PPP2R5A: variants seen among roughly 807,000 people sequenced by gnomAD.
PPP2R5A encodes the protein protein phosphatase 2 regulatory subunit B'alpha, also known as serine/threonine-protein phosphatase 2A 56 kDa regulatory subunit alpha isoform.
PPP2R5A carries 25 observed loss-of-function variants against 64.2 expected under a neutral mutation model. The ratio of observed to expected loss-of-function variants is 0.39; its 90% confidence interval spans 0.28 to 0.54. The LOEUF is 0.54. Ranked by LOEUF, PPP2R5A falls within the 20% of genes least tolerant of loss-of-function variation. The probability of loss-of-function intolerance (pLI) is 0.67; values close to 1 mark genes in which losing one functional copy is unlikely to be tolerated. For missense variants in PPP2R5A, 425 were observed against 576.3 expected (o/e 0.74, Z 2.69); for synonymous variants, 198 against 201.2 (o/e 0.98, Z 0.13).
chr1:212,307,378 C>T lies in PPP2R5A; in HGVS notation c.181+21087C>T, dbSNP rs530763138. Reference sequence around the variant, plus strand: ...GATGTAGAATCATTATTCCTATATGCCTCTGTTTCCTTTCCTCCTTTTTTG... The same window carrying T: ...GATGTAGAATCATTATTCCTATATGTCTCTGTTTCCTTTCCTCCTTTTTTG... On this transcript the variant is annotated intron_variant, in intron 1 of 12. Coordinates refer to ENST00000261461, the MANE Select transcript of PPP2R5A (RefSeq NM_006243.4). 7.3e-5 allele frequency among the ~76,000 whole-genome samples: 11 copies of T among 151,584 alleles called. No individual in the cohort carries two copies. The East Asian group carries it at 7.8e-4, about 11-fold the overall frequency.
chr1:212,345,144 T>A (rs1659751538), intron 4 of PPP2R5A, among the ~76,000 whole-genome samples: 1 of 126,588 alleles, frequency 7.9e-6, no homozygotes. Context: ...CAGTCTAGGC[T>A]ACAGAGCAAG....
chr1:212,331,321 C>T (rs927168236), intron 2 of PPP2R5A: 11 of 150,616 alleles, frequency 7.3e-5, no homozygotes, highest in African/African-American at 2.7e-4. Context: ...CCACCATGCC[C>T]GATTAATTTT....
intron 3 of PPP2R5A, among the ~76,000 whole-genome samples, chr1:212,339,048 TAGAG>T (rs1659639836): frequency 6.6e-6 from 1 of 152,162 alleles, no homozygotes; most frequent in East Asian, 1.9e-4. Context: ...ATGGAGTAAA[TAGAG>T]AGTGACACTG....
intron 1 of PPP2R5A, among the ~76,000 whole-genome samples, chr1:212,316,982 CTT>C (rs1484996042): frequency 6.6e-6 from 1 of 152,142 alleles, no homozygotes; most frequent in Admixed American, 6.5e-5. Context: ...CAAGTCCAGA[CTT>C]TTATTTAATC....
At chr1:212,322,175 G>A (rs924544855) in intron 1 of PPP2R5A, among the ~76,000 whole-genome samples, 3 of 150,602 alleles carry the variant, frequency 2.0e-5, no homozygotes, top group South Asian at 2.1e-4. Context: ...GGGGGAGACC[G>A]TGGAAAGAGA....
intron 3 of PPP2R5A, among the ~76,000 whole-genome samples, chr1:212,340,212 C>T (rs1199140335): frequency 6.6e-6 from 1 of 152,056 alleles, no homozygotes. Flanking sequence ...TCCTGAGGAT[C>T]CAGAATCAAA....
At chr1:212,322,651 A>G (rs1178660345) in intron 1 of PPP2R5A, among the ~76,000 whole-genome samples, 1 of 152,194 alleles carries the variant, frequency 6.6e-6, no homozygotes, top group Non-Finnish European at 1.5e-5. Context: ...CCTACTCTTC[A>G]CAACTGTTTT....
intron 1 of PPP2R5A, among the ~76,000 whole-genome samples, chr1:212,305,684 CTCTT>C (rs911187051): frequency 1.3e-5 from 2 of 152,036 alleles, no homozygotes; most frequent in African/African-American, 4.8e-5. Context: ...TTCTATTTCT[CTCTT>C]TGTTTCTGTC....
chr1:212,333,650 G>C, intron 3 of PPP2R5A, 52 bp downstream of exon 3: 3 of 1,051,444 alleles, frequency 2.9e-6, no homozygotes, highest in South Asian at 4.3e-5. Flanking sequence ...CTATTCTGCA[G>C]AAATCATGGT....
chr1:212,307,260 G>GTT (rs1057069165), intron 1 of PPP2R5A, among the ~76,000 whole-genome samples: 6 of 141,092 alleles, frequency 4.3e-5, no homozygotes, highest in Admixed American at 7.1e-5. Context: ...ATTTTTGAGA[G>GTT]TTTTTTTTTT....
chr1:212,357,432 T>C, intron 11 of PPP2R5A, 148 bp downstream of exon 11: 1 of 651,436 alleles, frequency 1.5e-6, no homozygotes, highest in South Asian at 3.2e-5. Context: ...CTGTATTTTA[T>C]ATACGTATAC....
chr1:212,329,923 C>T (rs997370771), intron 2 of PPP2R5A, among the ~76,000 whole-genome samples: 3 of 152,112 alleles, frequency 2.0e-5, no homozygotes, highest in Non-Finnish European at 4.4e-5. Context: ...GGATTATAGG[C>T]GTGAGCCACC....
intron 9 of PPP2R5A, 51 bp from the exon 10 acceptor site, chr1:212,356,899 T>C: frequency 7.1e-7 from 1 of 1,414,442 alleles, no homozygotes; most frequent in Non-Finnish European, 9.6e-7. Flanking sequence ...GTTTCTATAT[T>C]AGTTTCACAT....
Position 212,285,725 on chromosome 1 carries a change from G to T in PPP2R5A, c.-386G>T, listed in dbSNP as rs898348761. ...GCTGGCCGGCCGGCTGGCTGGCGAC[G>T]GGGGCAGAAGCGACGAGAGGCGCGC... On this transcript the variant is annotated 5_prime_UTR_variant, in exon 1 of 13. Transcript: ENST00000261461. 2 of 166,590 alleles carry T rather than the reference G, an allele frequency of 1.2e-5. No individual in the cohort carries two copies. The highest frequency in any genetic ancestry group is 4.8e-5 in the African/African-American group (2 of 42,030). 10.3% of individuals were successfully genotyped at this position (166,590 alleles called of 1,614,324 possible). A position where few individuals can be genotyped will look rare whatever the true frequency, so the allele number is the denominator to read the frequency against.
At chr1:212,323,589 A>T (rs1251660594) in intron 1 of PPP2R5A, among the ~76,000 whole-genome samples, 1 of 152,220 alleles carries the variant, frequency 6.6e-6, no homozygotes, top group Non-Finnish European at 1.5e-5. Flanking sequence ...GAAAATTCAG[A>T]TGTGACCTAT....
intron 1 of PPP2R5A, among the ~76,000 whole-genome samples, chr1:212,310,599 A>C (rs771260867): frequency 2.0e-5 from 3 of 152,188 alleles, no homozygotes; most frequent in Non-Finnish European, 2.9e-5. Context: ...GAAGCTGAGC[A>C]GTTTGGGGAA....
At chr1:212,346,013 T>C (rs995857730) in intron 5 of PPP2R5A, 80 bp downstream of exon 5, 2 of 1,377,060 alleles carry the variant, frequency 1.5e-6, no homozygotes, top group Admixed American at 4.7e-5. Flanking sequence ...TTTTTATTTG[T>C]TTTTTTGAGA....
chr1:212,359,883 AAT>A (rs1394071832), intron 12 of PPP2R5A, among the ~76,000 whole-genome samples: 1 of 152,182 alleles, frequency 6.6e-6, no homozygotes, highest in Non-Finnish European at 1.5e-5. Flanking sequence ...GTATTTGAAA[AAT>A]ATGTATTTCA....
At chr1:212,339,166 A>G (rs1469787422) in intron 3 of PPP2R5A, among the ~76,000 whole-genome samples, 2 of 151,842 alleles carry the variant, frequency 1.3e-5, no homozygotes, top group Admixed American at 6.6e-5. Flanking sequence ...TGGGATAACT[A>G]TTCATCATTT....
Sources: allele counts gnomAD v4.1 joint callset (sites outside exome capture counted in the v4.1 genomes callset), GRCh38; gene constraint gnomAD v4.1.1; transcripts MANE v1.5; gene names NCBI Gene and HGNC (gene_info 2026-07-23, HGNC 2026-07-21).